The following WDR25 variants were observed in gnomAD, a reference collection of about 807,000 sequenced individuals.
The protein encoded by WDR25 is WD repeat-containing protein 25.
Under a neutral mutation model 47.7 loss-of-function variants are expected in WDR25, and 35 were observed. The observed-to-expected ratio is 0.73, with a 90% CI of 0.56 to 0.97. The LOEUF is 0.97. WDR25 is among the 50% of genes least tolerant of loss of function. The pLI is 0.00. For missense variants in WDR25, 634 were observed against 704.7 expected, an observed-to-expected ratio of 0.90 and a Z score of 1.14; for synonymous variants, 248 against 278.9, an observed-to-expected ratio of 0.89 and a Z score of 1.10.
At chr14:100,505,099 C>A (rs1392124272) in intron 4 of WDR25, among the ~76,000 whole-genome samples, 2 of 152,074 alleles carry the variant, frequency 1.3e-5, no homozygotes, top group Non-Finnish European at 2.9e-5. Flanking sequence ...TTTCTATATT[C>A]TGGAATTATT....
In WDR25 at chr14:100,424,167, C is replaced by T. The variant is rs1375494632; in HGVS notation, c.822+42421C>T. Among the ~76,000 whole-genome samples, 1 of 152,242 alleles carries T rather than the reference C, an allele frequency of 6.6e-6. No homozygotes were observed. The highest frequency in any genetic ancestry group is 1.9e-4 in the East Asian group (1 of 5,186). On this transcript the variant is annotated intron_variant, in intron 2 of 6. Coordinates refer to ENST00000402312, the MANE Select transcript of WDR25 (RefSeq NM_001161476.3). This position sits in a 1 kb window ranked among gnomAD's most constrained non-coding sequence, Gnocchi z 4.2. ...GGGAGGAAGGCACCACGGGCGAGGC[C>T]TCCCAGGCTGGCTGGGTGAGTGTTC...
At chr14:100,473,189 C>T (rs1399048758) in intron 3 of WDR25, among the ~76,000 whole-genome samples, 1 of 152,220 alleles carries the variant, frequency 6.6e-6, no homozygotes, top group Non-Finnish European at 1.5e-5. Context: ...CCCTGGGTTC[C>T]AGCACGCTGC....
intron 2 of WDR25, among the ~76,000 whole-genome samples, chr14:100,438,229 A>C (rs577638725): frequency 1.3e-5 from 2 of 152,308 alleles, no homozygotes; most frequent in African/African-American, 4.8e-5. Flanking sequence ...TGTTCAGTAA[A>C]CTTGGTTTCA....
rs550587291 is a variant in WDR25, at chr14:100,470,643, T to C, written c.970+2475T>C. Among the ~76,000 whole-genome samples, 16 of 152,308 alleles carry C rather than the reference T, an allele frequency of 1.1e-4. No individual in the cohort carries two copies. The South Asian group carries it at 3.3e-3, about 32-fold the overall frequency. ...TTTGAAGCAGGCAAGAGTCAGGGCT[T>C]GGTCTGTGCTTTGAGTAGTCCTCCT... On this transcript the variant is annotated intron_variant, in intron 3 of 6. Coordinates refer to ENST00000402312, the MANE Select transcript of WDR25 (RefSeq NM_001161476.3).
At chr14:100,472,703 T>C (rs1899883590) in intron 3 of WDR25, among the ~76,000 whole-genome samples, 1 of 152,248 alleles carries the variant, frequency 6.6e-6, no homozygotes, top group African/African-American at 2.4e-5. Context: ...GGGGGCAGAC[T>C]GGGAGGAGGC....
At chr14:100,491,599 A>G (rs1399759915) in intron 4 of WDR25, among the ~76,000 whole-genome samples, 1 of 152,240 alleles carries the variant, frequency 6.6e-6, no homozygotes, top group African/African-American at 2.4e-5. Flanking sequence ...GTGTAAGCGC[A>G]TGATGTTCAC....
Position 100,412,695 on chromosome 14 carries a change from A to G in WDR25, c.822+30949A>G, listed in dbSNP as rs11626554. 3.3e-3 allele frequency among the ~76,000 whole-genome samples: 509 copies of G among 152,262 alleles called. 2 individuals carry two copies. Among genetic ancestry groups the G allele is most frequent in the South Asian group, 5.4e-3 (26 of 4,818 alleles). On this transcript the variant is annotated intron_variant, in intron 2 of 6. Transcript: ENST00000402312. ...GTAATGTCTCTGTGGTTTGCCTTAT[A>G]TTTGGGATATTAGCAAAGGGGAGAG...
chr14:100,496,828 C>CTTTTTTTTTTTTTTTTTTTTTTTT lies in WDR25; in HGVS notation c.1101+12705_1101+12728dup, dbSNP rs1226765543. On this transcript the variant is annotated intron_variant, in intron 4 of 6. Transcript: ENST00000402312. ...TTTCTTTTTCTTTTTTTCTTTAATT[C>CTTTTTTTTTTTTTTTTTTTTTTTT]TTTTTTTTTTTTTTTTTTTTTTTTG... 6.8e-4 allele frequency among the ~76,000 whole-genome samples: 50 copies of CTTTTTTTTTTTTTTTTTTTTTTTT among 73,426 alleles called. 1 individual carries two copies. Among genetic ancestry groups the CTTTTTTTTTTTTTTTTTTTTTTTT allele is most frequent in the East Asian group, 2.6e-3 (5 of 1,946 alleles). The allele number at this position is 73,426 out of a possible 152,430, so 48.2% of individuals were successfully genotyped here. A position where few individuals can be genotyped will look rare whatever the true frequency, so the allele number is the denominator to read the frequency against.
intron 3 of WDR25, among the ~76,000 whole-genome samples, chr14:100,469,971 A>T (rs1253505442): frequency 6.6e-6 from 1 of 152,224 alleles, no homozygotes; most frequent in Non-Finnish European, 1.5e-5. Flanking sequence ...CCTACCCTGG[A>T]GAAGCTCCTG....
In WDR25 at chr14:100,473,050, A is replaced by G. The variant is rs1175770398; in HGVS notation, c.970+4882A>G. Among the ~76,000 whole-genome samples the G allele has an allele frequency of 3.3e-5, 5 of 152,162 alleles. No individual in the cohort carries two copies. In the East Asian group the frequency reaches 9.7e-4, roughly 29 times the overall value. The stretch of plus-strand genomic sequence containing the variant: ...AATGACCATTTCTCCTTGCTTTCCA[A>G]GAGGTGTCTTCTTGTCTCTCCCTTG... On this transcript the variant is annotated intron_variant, in intron 3 of 6. Coordinates refer to ENST00000402312, the MANE Select transcript of WDR25 (RefSeq NM_001161476.3).
In WDR25 at chr14:100,521,091, G is replaced by A. The variant is rs79212426; in HGVS notation, c.1102-4779G>A. Among the ~76,000 whole-genome samples the A allele has an allele frequency of 1.1e-3, 162 of 152,172 alleles. 1 individual carries two copies. Among genetic ancestry groups the A allele is most frequent in the African/African-American group, 3.8e-3 (158 of 41,514 alleles). On this transcript the variant is annotated intron_variant, in intron 4 of 6. Coordinates refer to ENST00000402312, the MANE Select transcript of WDR25 (RefSeq NM_001161476.3). Reference sequence around the variant, plus strand: ...AACTACAGTTGATGGGTCTTATCTTGCCTGTGACCTGTTTTTATATGGTCT... The same window carrying A: ...AACTACAGTTGATGGGTCTTATCTTACCTGTGACCTGTTTTTATATGGTCT...
intron 5 of WDR25, among the ~76,000 whole-genome samples, chr14:100,528,736 T>C (rs2030314368): frequency 6.6e-6 from 1 of 152,156 alleles, no homozygotes; most frequent in Admixed American, 6.5e-5. Context: ...TTGGGGGGCA[T>C]TTTCCTGCCT....
chr14:100,393,461 G>C (rs534253075), intron 2 of WDR25, among the ~76,000 whole-genome samples: 88 of 152,242 alleles, frequency 5.8e-4, no homozygotes, highest in Non-Finnish European at 1.1e-3. Flanking sequence ...CCGGTACCTG[G>C]GTGTCCTGCT....
chr14:100,460,724 A>C (rs1441637712), intron 2 of WDR25, among the ~76,000 whole-genome samples: 9 of 152,204 alleles, frequency 5.9e-5, no homozygotes, highest in Admixed American at 3.9e-4. Flanking sequence ...CCAAAAAAAA[A>C]CATTAGCTCT....
intron 4 of WDR25, among the ~76,000 whole-genome samples, chr14:100,495,489 A>G (rs1900702542): frequency 6.6e-6 from 1 of 152,216 alleles, no homozygotes; most frequent in Non-Finnish European, 1.5e-5. Flanking sequence ...AATGCACAAA[A>G]TTTTGGGGGC....
Position 100,514,648 on chromosome 14 carries a change from G to C in WDR25, c.1102-11222G>C, listed in dbSNP as rs747722415. Among the ~76,000 whole-genome samples the C allele has an allele frequency of 3.3e-5, 5 of 150,986 alleles. No individual in the cohort carries two copies. The South Asian group carries it at 1.0e-3, about 32-fold the overall frequency. On this transcript the variant is annotated intron_variant, in intron 4 of 6. Coordinates refer to ENST00000402312, the MANE Select transcript of WDR25 (RefSeq NM_001161476.3). ...TCAGATTTTCAGTTTCTCCCCTCAG[G>C]GTCTTTGTGCTATTACTGTCATACA...
At position 100,464,508 on chromosome 14, in the gene WDR25, G is replaced by A. The variant is rs569082115; in HGVS notation, c.823-3513G>A. ...GTTACACAATGCCTGGCTAATAGCAGGTCCTCAGGAAATCTTTGTTGAATG... is the reference window on the plus strand; with the variant it reads ...GTTACACAATGCCTGGCTAATAGCAAGTCCTCAGGAAATCTTTGTTGAATG... On this transcript the variant is annotated intron_variant, in intron 2 of 6. Coordinates refer to ENST00000402312, the MANE Select transcript of WDR25 (RefSeq NM_001161476.3). 2.6e-5 allele frequency among the ~76,000 whole-genome samples: 4 copies of A among 152,248 alleles called. No homozygotes were observed. In the East Asian group the frequency reaches 7.7e-4, roughly 29 times the overall value.
intron 2 of WDR25, among the ~76,000 whole-genome samples, chr14:100,421,048 A>G (rs969639547): frequency 6.6e-6 from 1 of 152,198 alleles, no homozygotes; most frequent in African/African-American, 2.4e-5. Flanking sequence ...AAGAAGAAAT[A>G]TGATTATTTT....
At chr14:100,469,833 G>C (rs1899768661) in intron 3 of WDR25, among the ~76,000 whole-genome samples, 1 of 152,236 alleles carries the variant, frequency 6.6e-6, no homozygotes, top group Admixed American at 6.5e-5. Flanking sequence ...AAACCAGCAA[G>C]TGACAGAGCC....
Sources: gnomAD v4.1 joint callset for allele counts (sites outside exome capture counted in the v4.1 genomes callset) on GRCh38, gnomAD v4.1.1 for gene constraint, Gnocchi (gnomAD v3.1) non-coding constraint, MANE v1.5 for transcripts, NCBI Gene and HGNC (gene_info 2026-07-23, HGNC 2026-07-21) for gene names.